Variants in ULK4 observed in about 807,000 individuals in gnomAD.
The protein encoded by ULK4 is inactive serine/threonine-protein kinase ULK4.
In ULK4, 133 loss-of-function variants were observed where a neutral mutation model predicts 160.6. The ratio of observed to expected loss-of-function variants is 0.83; its 90% confidence interval spans 0.72 to 0.96. The LOEUF (loss-of-function observed/expected upper bound fraction) is 0.96. Among genes scored for constraint, ULK4 ranks in the 40% least tolerant of loss-of-function variants. The pLI is 0.00. For missense variants in ULK4, 1,580 were observed against 1,499.5 expected (o/e 1.05, Z -0.89); for synonymous variants, 534 against 539.8 (o/e 0.99, Z 0.15).
chr3:41,699,332 T>C (rs545643532), intron 27 of ULK4, among the ~76,000 whole-genome samples: 61 of 152,272 alleles, frequency 4.0e-4, no homozygotes, highest in African/African-American at 1.4e-3. Context: ...CCCTGAAAAA[T>C]TTACAAAAGG....
intron 31 of ULK4, among the ~76,000 whole-genome samples, chr3:41,571,627 C>T (rs931599260): frequency 3.3e-5 from 5 of 152,060 alleles, no homozygotes; most frequent in Admixed American, 6.5e-5. Flanking sequence ...GACAAGGGCA[C>T]GCATGTTTCG....
At chr3:41,433,806 G>A (rs1307852403) in intron 34 of ULK4, among the ~76,000 whole-genome samples, 3 of 151,992 alleles carry the variant, frequency 2.0e-5, no homozygotes, top group Admixed American at 6.6e-5. Context: ...TGCAACCTCC[G>A]CCTTCCGGGT....
intron 17 of ULK4, among the ~76,000 whole-genome samples, chr3:41,863,514 G>T (rs951886748): frequency 7.9e-5 from 12 of 152,042 alleles, no homozygotes; most frequent in African/African-American, 2.4e-4. Context: ...CAAGCAGGAG[G>T]AGTTTTGCCC....
At position 41,270,727 on chromosome 3, in the gene ULK4, G is replaced by C. The variant is rs537957961; in HGVS notation, c.3679-21153C>G. On this transcript the variant is annotated intron_variant, in intron 35 of 36. Transcript: ENST00000301831. ...TACTACTAATGTCCTCATTTTATAC[G>C]ACGAGATCGTGGCAGAAAGGTTAAG... Among the ~76,000 whole-genome samples, 71 of 152,182 alleles carry C rather than the reference G, an allele frequency of 4.7e-4. 1 individual carries two copies. The highest frequency in any genetic ancestry group is 3.4e-3 in the Middle Eastern group (1 of 294).
intron 5 of ULK4, among the ~76,000 whole-genome samples, chr3:41,929,804 G>C (rs1376801128): frequency 6.6e-6 from 1 of 152,078 alleles, no homozygotes; most frequent in African/African-American, 2.4e-5. Context: ...CCTCTTCAAG[G>C]AGACTACAAA....
chr3:41,443,660 A>T (rs1429976052), intron 34 of ULK4, among the ~76,000 whole-genome samples: 1 of 152,150 alleles, frequency 6.6e-6, no homozygotes, highest in Admixed American at 6.5e-5. Context: ...AAATTTGTGC[A>T]TATTAGAACC....
At chr3:41,655,880 T>C (rs1339237522) in intron 30 of ULK4, among the ~76,000 whole-genome samples, 2 of 152,172 alleles carry the variant, frequency 1.3e-5, no homozygotes, top group Non-Finnish European at 2.9e-5. Context: ...ACTACAAAAT[T>C]TGAATTGAAA....
chr3:41,425,616 C>G (rs530993358), intron 34 of ULK4, among the ~76,000 whole-genome samples: 28 of 152,224 alleles, frequency 1.8e-4, no homozygotes, highest in African/African-American at 6.7e-4. Flanking sequence ...GACTGGGGGC[C>G]AATATTCAAC....
chr3:41,841,426 C>T (rs1198849546), intron 17 of ULK4, among the ~76,000 whole-genome samples: 1 of 149,196 alleles, frequency 6.7e-6, no homozygotes, highest in Admixed American at 6.7e-5. Context: ...CCCGGCCGCC[C>T]CGTCTGGGAA....
chr3:41,896,347 C>T (rs575090121), intron 15 of ULK4, among the ~76,000 whole-genome samples: 14 of 152,230 alleles, frequency 9.2e-5, no homozygotes, highest in Admixed American at 2.0e-4. Context: ...CTCTGCCTCC[C>T]GGGTTCAAGT....
At position 41,715,534 on chromosome 3, in the gene ULK4, T is replaced by A; in HGVS notation, c.2490A>T (p.Gly830=). 6.2e-7 allele frequency: 1 copy of A among 1,614,106 alleles called. No homozygotes were observed. Among genetic ancestry groups the A allele is most frequent in the Non-Finnish European group, 8.5e-7 (1 of 1,180,000 alleles). The change falls in exon 24 of 37, where the codon GGA becomes GGT. Residue 830 remains glycine, a synonymous_variant. Coordinates refer to ENST00000301831, the MANE Select transcript of ULK4 (RefSeq NM_017886.4). The stretch of plus-strand genomic sequence containing the variant: ...CTTGAACTGTTGATGGGTGTTTACG[T>A]CCAGAAACATTAGCCAAGGAGTTAA... ...DILNSLANVS[G]RKHPSTVQVK...
chr3:41,731,342 A>C (rs1453671778), intron 22 of ULK4, among the ~76,000 whole-genome samples: 5 of 152,108 alleles, frequency 3.3e-5, no homozygotes, highest in Admixed American at 2.0e-4. Context: ...TCTATATATC[A>C]ATAGCAAACT....
chr3:41,564,317 C>T (rs1165957265), intron 32 of ULK4, among the ~76,000 whole-genome samples: 1 of 151,998 alleles, frequency 6.6e-6, no homozygotes, highest in African/African-American at 2.4e-5. Context: ...GAGGTGTCTG[C>T]CAGTTAGGCT....
intron 35 of ULK4, among the ~76,000 whole-genome samples, chr3:41,290,318 T>A (rs950804038): frequency 1.3e-5 from 2 of 152,222 alleles, no homozygotes; most frequent in Admixed American, 6.5e-5. Flanking sequence ...ATTAACTCAT[T>A]TATAATCATG....
At chr3:41,367,909 T>C (rs188249440) in intron 35 of ULK4, among the ~76,000 whole-genome samples, 17 of 152,302 alleles carry the variant, frequency 1.1e-4, no homozygotes, top group African/African-American at 4.1e-4. Flanking sequence ...ATATATGTCA[T>C]GTGTGTGCCA....
chr3:41,612,965 A>C (rs2032756098), intron 31 of ULK4, among the ~76,000 whole-genome samples: 1 of 152,224 alleles, frequency 6.6e-6, no homozygotes, highest in African/African-American at 2.4e-5. Context: ...GTAAAGAAAA[A>C]AGTCATCAGG....
chr3:41,801,108 G>A (rs1368726013), intron 19 of ULK4, among the ~76,000 whole-genome samples: 1 of 151,950 alleles, frequency 6.6e-6, no homozygotes, highest in Non-Finnish European at 1.5e-5. Flanking sequence ...TACTCAAGAA[G>A]GAAGAGGAAA....
intron 8 of ULK4, among the ~76,000 whole-genome samples, chr3:41,913,874 A>T (rs1698882444): frequency 6.6e-6 from 1 of 152,102 alleles, no homozygotes; most frequent in Admixed American, 6.6e-5. Context: ...GAGGTGGAAG[A>T]ATCTCTTGAG....
At chr3:41,842,185 A>T (rs889672998) in intron 17 of ULK4, among the ~76,000 whole-genome samples, 23 of 142,554 alleles carry the variant, frequency 1.6e-4, no homozygotes, top group East Asian at 7.8e-4. Context: ...ATGTAAAAAA[A>T]AAAATAAAAA....
Sources: allele counts gnomAD v4.1 joint callset (sites outside exome capture counted in the v4.1 genomes callset), GRCh38; gene constraint gnomAD v4.1.1; transcripts MANE v1.5; gene names NCBI Gene and HGNC (gene_info 2026-07-23, HGNC 2026-07-21).